The following TRPM3 variants were observed in gnomAD, a reference collection of about 807,000 sequenced individuals.
The protein encoded by TRPM3 is transient receptor potential cation channel subfamily M member 3, also known as long transient receptor potential channel 3.
TRPM3 carries 77 observed loss-of-function variants against 181.2 expected under a neutral mutation model. The ratio of observed to expected loss-of-function variants is 0.42; its 90% CI spans 0.35 to 0.51. TRPM3 has a LOEUF of 0.51. Among genes scored for constraint, TRPM3 ranks in the 20% least tolerant of loss-of-function variants. TRPM3 has a pLI of 0.01. For synonymous variants in TRPM3, 745 were observed against 796.4 expected (o/e 0.94, Z 1.09); for missense variants, 1,759 against 2,196.7 (o/e 0.80, Z 3.98).
At chr9:71,186,027 G>A (rs2077657642) in intron 1 of TRPM3, among the ~76,000 whole-genome samples, 1 of 151,986 alleles carries the variant, frequency 6.6e-6, no homozygotes, top group Non-Finnish European at 1.5e-5. Context: ...GCATCTGGTG[G>A]TTTGCTGAAA....
chr9:71,045,802 G>A (rs1433685853), intron 1 of TRPM3, among the ~76,000 whole-genome samples: 1 of 152,134 alleles, frequency 6.6e-6, no homozygotes, highest in Non-Finnish European at 1.5e-5. Flanking sequence ...AGCGTACTAT[G>A]TAACATTAGT....
intron 9 of TRPM3, among the ~76,000 whole-genome samples, chr9:70,674,566 T>G (rs1245717049): frequency 1.5e-5 from 2 of 136,822 alleles, no homozygotes; most frequent in Admixed American, 1.5e-4. Context: ...ATATATAATT[T>G]TTTTTTTGAG....
At position 71,311,590 on chromosome 9, in the gene TRPM3, T is replaced by C. The variant is rs548807018; in HGVS notation, c.183+135063A>G. 5.9e-5 allele frequency among the ~76,000 whole-genome samples: 9 copies of C among 152,166 alleles called. No homozygotes were observed. In the South Asian group the frequency reaches 1.9e-3, roughly 32 times the overall value. On this transcript the variant is annotated intron_variant, in intron 1 of 24. Coordinates refer to the TRPM3 transcript ENST00000357533. Reference sequence around the variant, plus strand: ...AAAAACTGAATCTAGATACAGACTTTTAATCTTACAAAACAAAAGTAACTC... The same window carrying C: ...AAAAACTGAATCTAGATACAGACTTCTAATCTTACAAAACAAAAGTAACTC...
rs1382690921 is a variant in TRPM3 at position 70,783,956 on chromosome 9, C to G, written c.1148+149G>C. ...TATGTTTCTCTGTTCTTCACCACAG[C>G]CCTCCCATGACAGACATTTTTTAGA... On this transcript the variant is annotated intron_variant, in intron 7 of 25. Transcript: ENST00000677713. 2.1e-6 allele frequency: 3 copies of G among 1,424,626 alleles called. No individual in the cohort carries two copies. In the African/African-American group the frequency reaches 4.3e-5, roughly 20 times the overall value. 88.2% of individuals were successfully genotyped at this position (1,424,626 alleles called of 1,614,324 possible). A position where few individuals can be genotyped will look rare whatever the true frequency, so the allele number is the denominator to read the frequency against.
At chr9:71,113,045 A>G (rs1274187196) in intron 1 of TRPM3, among the ~76,000 whole-genome samples, 1 of 152,200 alleles carries the variant, frequency 6.6e-6, no homozygotes, top group Non-Finnish European at 1.5e-5. Context: ...CTTGTATTCC[A>G]TGCCAAAGAG....
At chr9:71,058,684 A>C (rs959761373) in intron 1 of TRPM3, among the ~76,000 whole-genome samples, 1 of 152,058 alleles carries the variant, frequency 6.6e-6, no homozygotes, top group African/African-American at 2.4e-5. Flanking sequence ...CGTTAAATTA[A>C]CTTAAATTTG....
intron 1 of TRPM3, among the ~76,000 whole-genome samples, chr9:71,202,927 C>A (rs1441467299): frequency 2.0e-5 from 3 of 152,166 alleles, no homozygotes; most frequent in Admixed American, 2.0e-4. Flanking sequence ...TAAACAGCAA[C>A]ATTGTAAATA....
chr9:70,640,386 C>T (rs1313338947), intron 10 of TRPM3, among the ~76,000 whole-genome samples, 174 bp downstream of exon 10: 2 of 152,100 alleles, frequency 1.3e-5, no homozygotes, highest in African/African-American at 2.4e-5. Context: ...CACTAGATGG[C>T]GGTGCTTTCC....
chr9:71,347,519 G>A (rs1317894906), intron 1 of TRPM3, among the ~76,000 whole-genome samples: 1 of 152,058 alleles, frequency 6.6e-6, no homozygotes, highest in East Asian at 1.9e-4. Flanking sequence ...GCTTTTACAT[G>A]GATACTGTGG....
chr9:70,625,628 G>T lies in TRPM3; in HGVS notation c.1633-111C>A. 1 of 1,122,172 alleles carries T rather than the reference G, an allele frequency of 8.9e-7. No homozygotes were observed. The highest frequency in any genetic ancestry group is 1.3e-6 in the Non-Finnish European group (1 of 768,010). The allele number at this position is 1,122,172 out of a possible 1,614,324, so 69.5% of individuals were successfully genotyped here. A position where few individuals can be genotyped will look rare whatever the true frequency, so the allele number is the denominator to read the frequency against. Reference sequence around the variant, plus strand: ...CTGGGGAGAAAAAAACACCAGTGTAGAAGAAAGAAACACAAGGCTAGACAG... The same window carrying T: ...CTGGGGAGAAAAAAACACCAGTGTATAAGAAAGAAACACAAGGCTAGACAG... On this transcript the variant is annotated intron_variant, in intron 12 of 25. Transcript: ENST00000677713. This position sits in a 1 kb window ranked among gnomAD's most constrained non-coding sequence, Gnocchi z 4.8.
At chr9:70,541,665 C>A (rs2131659622) in intron 25 of TRPM3, among the ~76,000 whole-genome samples, 1 of 152,214 alleles carries the variant, frequency 6.6e-6, no homozygotes, top group Middle Eastern at 3.4e-3. Context: ...GCATGCATCA[C>A]CATGCAAGGC....
At chr9:71,326,894 C>G (rs573770242) in intron 1 of TRPM3, among the ~76,000 whole-genome samples, 4 of 152,246 alleles carry the variant, frequency 2.6e-5, no homozygotes, top group Admixed American at 2.6e-4. Flanking sequence ...TGAGAGTGCA[C>G]GGAGGAGAGA....
chr9:71,275,683 T>C (rs2084148920), intron 1 of TRPM3, among the ~76,000 whole-genome samples: 1 of 152,152 alleles, frequency 6.6e-6, no homozygotes, highest in Non-Finnish European at 1.5e-5. Context: ...AGCCATATTA[T>C]TGAAGATAGA....
At chr9:70,985,296 G>A (rs1188035144) in intron 1 of TRPM3, among the ~76,000 whole-genome samples, 3 of 152,184 alleles carry the variant, frequency 2.0e-5, no homozygotes, top group Non-Finnish European at 4.4e-5. Flanking sequence ...AGAGATGGAT[G>A]AAGGTAAGAC....
intron 1 of TRPM3, among the ~76,000 whole-genome samples, chr9:71,184,486 C>T (rs1439679293): frequency 6.6e-6 from 1 of 152,052 alleles, no homozygotes. Context: ...ATTATCAAAG[C>T]CCCAAAAATG....
chr9:70,625,257 A>T lies in TRPM3; in HGVS notation c.1743T>A (p.Ala581=). 1 of 1,614,138 alleles carries T rather than the reference A, an allele frequency of 6.2e-7. No individual in the cohort carries two copies. The highest frequency in any genetic ancestry group is 8.5e-7 in the Non-Finnish European group (1 of 1,180,018). Reference sequence around the variant, plus strand: ...GCTTGCGCGTGTAGTTGCAGCGATAAGCCCCGCCCATCAGGTACTCGATCA... The same window carrying T: ...GCTTGCGCGTGTAGTTGCAGCGATATGCCCCGCCCATCAGGTACTCGATCA... The part of the protein sequence containing the change: ...GLVIEYLMGG[A]YRCNYTRKRF... The change falls in exon 14 of 26, where the codon GCT becomes GCA. Residue 581 remains alanine, a synonymous_variant. Coordinates refer to ENST00000677713, the MANE Select transcript of TRPM3 (RefSeq NM_001366145.2). This position sits in a 1 kb window ranked among gnomAD's most constrained non-coding sequence, Gnocchi z 4.8.
At chr9:70,984,844 A>G (rs1293913868) in intron 1 of TRPM3, among the ~76,000 whole-genome samples, 2 of 152,218 alleles carry the variant, frequency 1.3e-5, no homozygotes, top group African/African-American at 4.8e-5. Context: ...ATTTTAAGCC[A>G]CTACATTTGT....
intron 1 of TRPM3, among the ~76,000 whole-genome samples, chr9:71,045,743 G>A (rs532823978): frequency 6.6e-6 from 1 of 152,278 alleles, no homozygotes; most frequent in Admixed American, 6.5e-5. Flanking sequence ...TCTAAACACA[G>A]GCTAAGAGAC....
chr9:71,048,487 C>G lies in TRPM3; in HGVS notation c.177+72691G>C, dbSNP rs549026801. On this transcript the variant is annotated intron_variant, in intron 1 of 25. Coordinates refer to ENST00000677713, the MANE Select transcript of TRPM3 (RefSeq NM_001366145.2). ...GCATGAATAGTCCAATCCGTCTTCC[C>G]CAAGCAAGCGTGCTGGGTGGTATGC... 9.7e-4 allele frequency among the ~76,000 whole-genome samples: 148 copies of G among 152,284 alleles called. 3 individuals carry two copies. Among genetic ancestry groups the G allele is most frequent in the African/African-American group, 3.2e-3 (135 of 41,562 alleles).
Sources: gnomAD v4.1 joint callset for allele counts (sites outside exome capture counted in the v4.1 genomes callset) on GRCh38, gnomAD v4.1.1 for gene constraint, Gnocchi (gnomAD v3.1) non-coding constraint, MANE v1.5 for transcripts, NCBI Gene and HGNC (gene_info 2026-07-23, HGNC 2026-07-21) for gene names.